The following RTF2 variants were observed in gnomAD, a reference collection of about 807,000 sequenced individuals.
RTF2 encodes UPF0549 protein C20orf43.
Under a neutral mutation model 38.0 loss-of-function variants are expected in RTF2, and 18 were observed. That is an observed-to-expected ratio of 0.47 (90% confidence interval 0.33 to 0.70). The LOEUF is 0.70. Among genes scored for constraint, RTF2 ranks in the 30% least tolerant of loss-of-function variants. The probability of loss-of-function intolerance (pLI) is 0.02; values close to 1 mark genes in which losing one functional copy is unlikely to be tolerated. For missense variants in RTF2, 311 were observed against 379.6 expected (o/e 0.82, Z 1.50); for synonymous variants, 126 against 137.1 (o/e 0.92, Z 0.57).
At chr20:56,514,920 G>T (rs1050096645) in intron 6 of RTF2, among the ~76,000 whole-genome samples, 1 of 152,036 alleles carries the variant, frequency 6.6e-6, no homozygotes, top group African/African-American at 2.4e-5. Flanking sequence ...GGTGGCGTGT[G>T]CCTGTAATGC....
rs560064164 is a variant in RTF2 at position 56,519,355 on chromosome 20, G to A, written c.*1090G>A. 5.3e-5 allele frequency: 8 copies of A among 152,196 alleles called. No individual in the cohort carries two copies. The highest frequency in any genetic ancestry group is 1.0e-4 in the Non-Finnish European group (7 of 68,060). 9.4% of individuals were successfully genotyped at this position (152,196 alleles called of 1,614,324 possible). ...GTGGCCCTGCTTTTTCTCAAACCCT[G>A]TGTGGTTCCCGGCTTCACAGTTGAT... On this transcript the variant is annotated 3_prime_UTR_variant, in exon 9 of 9. Coordinates refer to ENST00000357348, the MANE Select transcript of RTF2 (RefSeq NM_016407.5).
intron 3 of RTF2, among the ~76,000 whole-genome samples, chr20:56,476,664 T>A (rs905426263): frequency 2.0e-5 from 3 of 151,930 alleles, no homozygotes; most frequent in African/African-American, 7.3e-5. Flanking sequence ...CACACCCAGC[T>A]AATTTTGTAT....
chr20:56,470,092 A>G (rs1981878704), intron 1 of RTF2, among the ~76,000 whole-genome samples: 1 of 152,210 alleles, frequency 6.6e-6, no homozygotes, highest in South Asian at 2.1e-4. Context: ...TCAGCCACAT[A>G]ATAGACACCT....
intron 8 of RTF2, 58 bp downstream of exon 8, chr20:56,517,259 C>A: frequency 7.1e-7 from 1 of 1,413,610 alleles, no homozygotes; most frequent in Non-Finnish European, 9.9e-7. Flanking sequence ...CCCAGGTGGC[C>A]GAGTCCAGGT....
intron 1 of RTF2, 132 bp from the exon 2 acceptor site, chr20:56,473,169 A>G (rs1275919936): frequency 9.3e-6 from 6 of 642,560 alleles, no homozygotes; most frequent in South Asian, 1.7e-5. Flanking sequence ...CCAACTTCCT[A>G]TGTCATTATC....
intron 1 of RTF2, among the ~76,000 whole-genome samples, 191 bp from the exon 2 acceptor site, chr20:56,473,110 A>G (rs1982055473): frequency 6.6e-6 from 1 of 152,186 alleles, no homozygotes; most frequent in South Asian, 2.1e-4. Context: ...CAGCCTGGGC[A>G]ACAGAGTGAG....
In RTF2 at chr20:56,518,413, C is replaced by A; in HGVS notation, c.*148C>A. On this transcript the variant is annotated 3_prime_UTR_variant, in exon 9 of 9. Coordinates refer to ENST00000357348, the MANE Select transcript of RTF2 (RefSeq NM_016407.5). ...TGGCCAGCCTTCAAGCTGGTGTGGC[C>A]ACTCTTGATGTGAGGCGTGTCGGTT... 1.3e-6 allele frequency: 1 copy of A among 762,174 alleles called. No individual in the cohort carries two copies. Among genetic ancestry groups the A allele is most frequent in the Admixed American group, 3.2e-5 (1 of 31,466 alleles). 47.2% of individuals were successfully genotyped at this position (762,174 alleles called of 1,614,324 possible).
At position 56,484,125 on chromosome 20, in the gene RTF2, G is replaced by A. The variant is rs375978790; in HGVS notation, c.413G>A (p.Arg138Gln). Residue 138 changes from arginine to glutamine, a missense_variant, in exon 5 of 9, where the codon CGG (arginine) becomes CAG (glutamine). Transcript: ENST00000357348. ...MNGRHRFCFL[R>Q]CCGCVFSERA... The stretch of plus-strand genomic sequence containing the variant: ...TATTTCTCCAGGTTCTGCTTCCTTC[G>A]GTGCTGCGGCTGTGTGTTTTCTGAG... The A allele has an allele frequency of 1.2e-5, 20 of 1,613,866 alleles. No homozygotes were observed. The highest frequency in any genetic ancestry group is 1.1e-4 in the African/African-American group (8 of 74,876).
chr20:56,475,497 G>T (rs962929279), intron 3 of RTF2, among the ~76,000 whole-genome samples: 12 of 152,080 alleles, frequency 7.9e-5, no homozygotes, highest in African/African-American at 2.9e-4. Flanking sequence ...GTTCATTTCA[G>T]GCAAATTCAT....
At chr20:56,509,963 A>G (rs937037517) in intron 5 of RTF2, among the ~76,000 whole-genome samples, 7 of 152,154 alleles carry the variant, frequency 4.6e-5, no homozygotes, top group Admixed American at 1.3e-4. Context: ...ATAAATCTTT[A>G]AAACATTATG....
At position 56,517,092 on chromosome 20, in the gene RTF2, T is replaced by C; in HGVS notation, c.647-14T>C. On this transcript the variant is annotated splice_polypyrimidine_tract_variant and intron_variant, in intron 7 of 8. Coordinates refer to ENST00000357348, the MANE Select transcript of RTF2 (RefSeq NM_016407.5). ...TGCATTGTTTTTGCTTTGCCTACTTTGTTTCTTTTACAGAAGCCCCAGGGC... is the reference window on the plus strand; with the variant it reads ...TGCATTGTTTTTGCTTTGCCTACTTCGTTTCTTTTACAGAAGCCCCAGGGC... 4.3e-6 allele frequency: 7 copies of C among 1,613,940 alleles called. No homozygotes were observed. The highest frequency in any genetic ancestry group is 5.9e-6 in the Non-Finnish European group (7 of 1,179,820).
intron 3 of RTF2, among the ~76,000 whole-genome samples, chr20:56,475,857 G>C (rs569235021): frequency 7.9e-5 from 12 of 152,152 alleles, no homozygotes; most frequent in African/African-American, 2.9e-4. Context: ...CAAGAAATTA[G>C]AACAGTAAAG....
In RTF2 at chr20:56,518,474, G is replaced by A. The variant is rs151240614; in HGVS notation, c.*209G>A. ...CATGGGAGGGGCTGCACAGTGGCCCGAGGTCATGCTTGCTTCCACCTGCAG... is the reference window on the plus strand; with the variant it reads ...CATGGGAGGGGCTGCACAGTGGCCCAAGGTCATGCTTGCTTCCACCTGCAG... On this transcript the variant is annotated 3_prime_UTR_variant, in exon 9 of 9. Coordinates refer to ENST00000357348, the MANE Select transcript of RTF2 (RefSeq NM_016407.5). The A allele has an allele frequency of 4.5e-4, 207 of 463,100 alleles. No homozygotes were observed. Among genetic ancestry groups the A allele is most frequent in the African/African-American group, 3.2e-3 (160 of 50,160 alleles). 28.7% of individuals were successfully genotyped at this position (463,100 alleles called of 1,614,324 possible).
chr20:56,487,286 G>A (rs182965574), intron 5 of RTF2, among the ~76,000 whole-genome samples: 61 of 152,310 alleles, frequency 4.0e-4, no homozygotes, highest in African/African-American at 1.4e-3. Flanking sequence ...AGATTATATC[G>A]TTGGTGCTTG....
At chr20:56,502,775 T>C (rs532301176) in intron 5 of RTF2, among the ~76,000 whole-genome samples, 1 of 152,142 alleles carries the variant, frequency 6.6e-6, no homozygotes, top group Admixed American at 6.5e-5. Context: ...TCAAAAAGGG[T>C]GGGGGTTGAG....
At chr20:56,500,348 C>T (rs752650456) in intron 5 of RTF2, among the ~76,000 whole-genome samples, 1 of 152,186 alleles carries the variant, frequency 6.6e-6, no homozygotes, top group Non-Finnish European at 1.5e-5. Context: ...GCCACCTCGC[C>T]CAGCTAGTTT....
rs574860280 is a variant in RTF2 at position 56,513,484 on chromosome 20, C to T, written c.591+56C>T. 4.1e-5 allele frequency: 64 copies of T among 1,547,700 alleles called. No individual in the cohort carries two copies. The East Asian group carries it at 1.5e-3, about 37-fold the overall frequency. On this transcript the variant is annotated intron_variant, in intron 6 of 8. Coordinates refer to ENST00000357348, the MANE Select transcript of RTF2 (RefSeq NM_016407.5). ...CCCATCTCTGCTCCAGAGCCGACTG[C>T]AAATCACTGAACTGAGCTGGCAGCT...
intron 5 of RTF2, chr20:56,497,760 C>T: frequency 2.5e-6 from 1 of 395,122 alleles, no homozygotes; most frequent in South Asian, 2.4e-5. Flanking sequence ...ACCCATGAAA[C>T]TGTCATTGCA....
chr20:56,516,689 A>T (rs909290285), intron 6 of RTF2: 46 of 543,372 alleles, frequency 8.5e-5, no homozygotes, highest in Admixed American at 7.1e-4. Flanking sequence ...AGATGTAAAT[A>T]TAAAAGTGAG....
Sources: gnomAD v4.1 joint callset for allele counts (sites outside exome capture counted in the v4.1 genomes callset) on GRCh38, gnomAD v4.1.1 for gene constraint, MANE v1.5 for transcripts, NCBI Gene and HGNC (gene_info 2026-07-23, HGNC 2026-07-21) for gene names.